The following TBC1D4 variants were observed in gnomAD, a reference collection of about 807,000 sequenced individuals.
TBC1D4 encodes the protein TBC1 domain family member 4.
Under a neutral mutation model 142.5 loss-of-function variants are expected in TBC1D4, and 121 were observed. The observed-to-expected ratio is 0.85, with a 90% confidence interval of 0.73 to 0.99. The LOEUF (loss-of-function observed/expected upper bound fraction) is 0.99. Ranked by LOEUF, TBC1D4 falls within the 50% of genes least tolerant of loss-of-function variation. The probability of loss-of-function intolerance (pLI) is 0.00; values close to 1 mark genes in which losing one functional copy is unlikely to be tolerated. For missense variants in TBC1D4, 1,475 were observed against 1,606.6 expected (o/e 0.92, Z 1.40); for synonymous variants, 630 against 628.2 (o/e 1.00, Z -0.04).
chr13:75,387,288 G>C lies in TBC1D4; in HGVS notation c.499-24681C>G, dbSNP rs535046415. 2.0e-5 allele frequency among the ~76,000 whole-genome samples: 3 copies of C among 152,204 alleles called. No individual in the cohort carries two copies. In the East Asian group the frequency reaches 5.8e-4, roughly 29 times the overall value. On this transcript the variant is annotated intron_variant, in intron 1 of 20. Transcript: ENST00000377636. Reference sequence around the variant, plus strand: ...AACGTCCCACAAGTATATATAAATGGAAAAGGGCAAATTTTCAGAGCTTTG... The same window carrying C: ...AACGTCCCACAAGTATATATAAATGCAAAAGGGCAAATTTTCAGAGCTTTG...
rs555374232 is a variant in TBC1D4 at position 75,426,332 on chromosome 13, T to TA, written c.498+54937dup. On this transcript the variant is annotated intron_variant, in intron 1 of 20. Transcript: ENST00000377636. ...AGAAAAGGGAAAAAATCCTTTTTGA[T>TA]AATGTTTAAGTCACAGATCAAGTCC... Among the ~76,000 whole-genome samples the TA allele has an allele frequency of 3.1e-4, 47 of 152,320 alleles. No individual in the cohort carries two copies. In the East Asian group the frequency reaches 8.3e-3, roughly 27 times the overall value.
At chr13:75,388,571 A>G (rs1187293795) in intron 1 of TBC1D4, among the ~76,000 whole-genome samples, 1 of 152,224 alleles carries the variant, frequency 6.6e-6, no homozygotes, top group Non-Finnish European at 1.5e-5. Flanking sequence ...GACCACTAGT[A>G]GAGTTTGGTG....
intron 1 of TBC1D4, among the ~76,000 whole-genome samples, chr13:75,367,927 T>C (rs995635488): frequency 1.3e-5 from 2 of 152,224 alleles, no homozygotes; most frequent in Non-Finnish European, 2.9e-5. Flanking sequence ...TTCATTTGTA[T>C]TCAAGGAAAC....
intron 17 of TBC1D4, among the ~76,000 whole-genome samples, chr13:75,297,363 T>C (rs1368921228): frequency 6.6e-6 from 1 of 152,210 alleles, no homozygotes; most frequent in African/African-American, 2.4e-5. Context: ...GGTACTTCCC[T>C]GTATCTTTGA....
At chr13:75,310,975 T>C (rs961456481) in intron 13 of TBC1D4, among the ~76,000 whole-genome samples, 6 of 152,196 alleles carry the variant, frequency 3.9e-5, no homozygotes, top group African/African-American at 1.4e-4. Context: ...CCAAAGGACA[T>C]GATTTCATTA....
chr13:75,388,305 G>A (rs1158532657), intron 1 of TBC1D4, among the ~76,000 whole-genome samples: 1 of 152,174 alleles, frequency 6.6e-6, no homozygotes, highest in East Asian at 1.9e-4. Context: ...ATGAAGGCAA[G>A]CACATATTTA....
intron 19 of TBC1D4, among the ~76,000 whole-genome samples, chr13:75,289,713 T>G (rs1178210185): frequency 6.6e-6 from 1 of 152,172 alleles, no homozygotes; most frequent in Non-Finnish European, 1.5e-5. Context: ...AATTGCACAC[T>G]GTGAGCACTG....
intron 1 of TBC1D4, among the ~76,000 whole-genome samples, chr13:75,448,214 C>T (rs1887375340): frequency 6.6e-6 from 1 of 152,052 alleles, no homozygotes; most frequent in African/African-American, 2.4e-5. Context: ...ACTGAATGAA[C>T]GAACAAGTGA....
intron 1 of TBC1D4, among the ~76,000 whole-genome samples, chr13:75,462,748 A>C (rs75576033): frequency 0.097 from 14,783 of 151,918 alleles, 983 homozygotes; most frequent in Non-Finnish European, 0.15. Context: ...CCTGTAGATC[A>C]CCTCATTATT....
chr13:75,358,295 C>T (rs566217389), intron 3 of TBC1D4, among the ~76,000 whole-genome samples: 1 of 152,334 alleles, frequency 6.6e-6, no homozygotes, highest in South Asian at 2.1e-4. Flanking sequence ...CCTCACAGCA[C>T]TTACGATCTC....
At chr13:75,432,881 G>A (rs1041966726) in intron 1 of TBC1D4, among the ~76,000 whole-genome samples, 1 of 150,872 alleles carries the variant, frequency 6.6e-6, no homozygotes, top group African/African-American at 2.4e-5. Flanking sequence ...GGCAGAGCTT[G>A]CAGTAAGCCA....
chr13:75,320,802 T>G (rs1343107354), intron 11 of TBC1D4, among the ~76,000 whole-genome samples: 1 of 144,194 alleles, frequency 6.9e-6, no homozygotes, highest in Non-Finnish European at 1.5e-5. Flanking sequence ...GGCGGGCGGA[T>G]CACGAGGTCA....
intron 1 of TBC1D4, among the ~76,000 whole-genome samples, chr13:75,463,917 C>T (rs770556896): frequency 1.3e-5 from 2 of 152,174 alleles, no homozygotes; most frequent in Non-Finnish European, 2.9e-5. Context: ...CCACAAGTGG[C>T]CTTCTGTGAC....
intron 1 of TBC1D4, among the ~76,000 whole-genome samples, chr13:75,479,796 C>T (rs1888758185): frequency 1.3e-5 from 2 of 152,176 alleles, no homozygotes; most frequent in South Asian, 4.1e-4. Flanking sequence ...AAATGAAATT[C>T]ATTAAATCGT....
At chr13:75,311,979 A>G (rs1349077534) in intron 13 of TBC1D4, among the ~76,000 whole-genome samples, 3 of 152,086 alleles carry the variant, frequency 2.0e-5, no homozygotes, top group Non-Finnish European at 4.4e-5. Flanking sequence ...GTATGTTAAA[A>G]TCTCCCACAG....
chr13:75,318,355 G>A (rs1317356052), intron 12 of TBC1D4, among the ~76,000 whole-genome samples: 1 of 152,184 alleles, frequency 6.6e-6, no homozygotes, highest in Non-Finnish European at 1.5e-5. Flanking sequence ...GAATGACACA[G>A]CAAGACTCTA....
Position 75,362,318 on chromosome 13 carries a change from G to A in TBC1D4, c.788C>T (p.Pro263Leu), listed in dbSNP as rs1416455601. ...AGCCTCCTCCGGCAGGCAGTCTCCGGGGGACCCGGGCACCACCACCTCCAA... is the reference window on the plus strand; with the variant it reads ...AGCCTCCTCCGGCAGGCAGTCTCCGAGGGACCCGGGCACCACCACCTCCAA... ...ADLEVVVPGS[P>L]GDCLPEEADG... The change falls in exon 2 of 21, where the codon CCC becomes CTC. Residue 263 changes from proline (P) to leucine (L), a missense_variant. Physicochemically the swap from Pro to Leu is moderately conservative, Grantham distance 98. This residue lies in a region of TBC1D4 where 1,227 missense variants were observed against 1,267.7 expected (regional missense o/e 0.97). Transcript: ENST00000377636. This position sits in a 1 kb window ranked among gnomAD's most constrained non-coding sequence, Gnocchi z 4.2. 5 of 1,613,990 alleles carry A rather than the reference G, an allele frequency of 3.1e-6. No individual in the cohort carries two copies. The highest frequency in any genetic ancestry group is 4.2e-6 in the Non-Finnish European group (5 of 1,180,016).
intron 1 of TBC1D4, among the ~76,000 whole-genome samples, chr13:75,393,100 T>A (rs1276408581): frequency 6.9e-6 from 1 of 144,884 alleles, no homozygotes; most frequent in African/African-American, 2.6e-5. Flanking sequence ...AAAAAATACA[T>A]AAATTTAAAT....
At chr13:75,332,616 A>G (rs1879847253) in intron 8 of TBC1D4, among the ~76,000 whole-genome samples, 1 of 152,198 alleles carries the variant, frequency 6.6e-6, no homozygotes, top group Non-Finnish European at 1.5e-5. Flanking sequence ...TTTCTGATTA[A>G]GTAGGTCTGG....
Sources: allele counts gnomAD v4.1 joint callset (sites outside exome capture counted in the v4.1 genomes callset), GRCh38; gene constraint gnomAD v4.1.1; regional missense constraint gnomAD v4.1.1; non-coding constraint Gnocchi (gnomAD v3.1); transcripts MANE v1.5; gene names NCBI Gene and HGNC (gene_info 2026-07-23, HGNC 2026-07-21).